The following TNIP1 variants were observed in gnomAD, a reference collection of about 807,000 sequenced individuals.
The protein encoded by TNIP1 is TNFAIP3-interacting protein 1.
TNIP1 carries 22 observed loss-of-function variants against 86.6 expected under a neutral mutation model. That is an observed-to-expected ratio of 0.25 (90% CI 0.18 to 0.36). The LOEUF (loss-of-function observed/expected upper bound fraction) is 0.36, where lower values mean the gene tolerates loss of function less well. TNIP1 is among the 10% of genes least tolerant of loss of function. The pLI, the probability that TNIP1 is intolerant of heterozygous loss-of-function variation, is 1.00. For missense variants in TNIP1, 709 were observed against 820.6 expected (o/e 0.86, Z 1.66); for synonymous variants, 294 against 313.0 (o/e 0.94, Z 0.64).
chr5:151,041,629 A>G (rs1758425407), intron 11 of TNIP1, among the ~76,000 whole-genome samples: 3 of 152,194 alleles, frequency 2.0e-5, no homozygotes, highest in Admixed American at 2.0e-4. Flanking sequence ...GGCATCCCAA[A>G]GTGCCAGGAT....
At position 151,035,575 on chromosome 5, in the gene TNIP1, C is replaced by T; in HGVS notation, c.1521+7G>A. The T allele has an allele frequency of 6.2e-7, 1 of 1,614,216 alleles. No individual in the cohort carries two copies. Among genetic ancestry groups the T allele is most frequent in the Non-Finnish European group, 8.5e-7 (1 of 1,180,030 alleles). ...CAGTTGCCCTTCCTGGGTCCAGTCACTCTTACCTGGGCATTTGACAGGGTG... is the reference window on the plus strand; with the variant it reads ...CAGTTGCCCTTCCTGGGTCCAGTCATTCTTACCTGGGCATTTGACAGGGTG... On this transcript the variant is annotated splice_region_variant and intron_variant, in intron 14 of 17. Transcript: ENST00000521591.
Position 151,035,012 on chromosome 5 carries a change from C to G in TNIP1, c.1577G>C (p.Arg526Thr). 1 of 1,614,158 alleles carries G rather than the reference C, an allele frequency of 6.2e-7. No individual in the cohort carries two copies. The highest frequency in any genetic ancestry group is 2.2e-5 in the East Asian group (1 of 44,888). ...CTCAAGCCTCCTCACCTTTGCTTTC[C>G]TCTTCTGCTGTCTGAGGGCTTCTCT... ...KAREALRQQK[R>T]KAKASGERYH... is the part of the protein sequence containing the mutation. The change falls in exon 15 of 18, where the codon AGG (arginine) becomes ACG (threonine). Residue 526 changes from arginine (R) to threonine (T), a missense_variant. Coordinates refer to ENST00000521591, the MANE Select transcript of TNIP1 (RefSeq NM_006058.5).
Position 151,073,792 on chromosome 5 carries a change from C to T in TNIP1, c.-37+7088G>A, listed in dbSNP as rs572769021. Among the ~76,000 whole-genome samples the T allele has an allele frequency of 3.9e-5, 6 of 151,972 alleles. No homozygotes were observed. In the South Asian group the frequency reaches 6.2e-4, roughly 16 times the overall value. ...GCACATGCCTGGAGTCCCAGCTACT[C>T]GGAAAGTTGAGGTGGGAGGATCACT... On this transcript the variant is annotated intron_variant, in intron 1 of 17. Coordinates refer to ENST00000521591, the MANE Select transcript of TNIP1 (RefSeq NM_006058.5).
chr5:151,039,376 G>A (rs1324683536), intron 11 of TNIP1, 151 bp from the exon 12 acceptor site: 1 of 671,698 alleles, frequency 1.5e-6, no homozygotes, highest in African/African-American at 1.8e-5. Flanking sequence ...GTACAGTAAT[G>A]TCCATCCGGT....
At chr5:151,041,160 T>C (rs1758369448) in intron 11 of TNIP1, among the ~76,000 whole-genome samples, 1 of 150,568 alleles carries the variant, frequency 6.6e-6, no homozygotes, top group South Asian at 2.1e-4. Context: ...AACCTCCGCC[T>C]CCCGGGTTCA....
intron 16 of TNIP1, chr5:151,032,793 G>T: frequency 4.7e-6 from 1 of 213,122 alleles, no homozygotes; most frequent in South Asian, 6.2e-5. Flanking sequence ...TGGGGAAAAT[G>T]GGACAAGTGA....
At chr5:151,074,657 C>T (rs1763179632) in intron 1 of TNIP1, among the ~76,000 whole-genome samples, 1 of 152,154 alleles carries the variant, frequency 6.6e-6, no homozygotes, top group African/African-American at 2.4e-5. Context: ...GCCAAAGATG[C>T]CTTGTGTTAA....
At chr5:151,068,454 C>T (rs767418204) in intron 1 of TNIP1, among the ~76,000 whole-genome samples, 1 of 152,188 alleles carries the variant, frequency 6.6e-6, no homozygotes, top group Non-Finnish European at 1.5e-5. Flanking sequence ...CAGAAACACT[C>T]AATGGATGAG....
chr5:151,065,105 T>A lies in TNIP1; in HGVS notation c.-10A>T, dbSNP rs1258374065. On this transcript the variant is annotated 5_prime_UTR_variant, in exon 2 of 18. Transcript: ENST00000521591. ...GTCCTCTCCCTTCCATGAGGGTAGC[T>A]CAGCCCCTGCCGTGGTGCCCGCCTG... 6 of 1,611,188 alleles carry A rather than the reference T, an allele frequency of 3.7e-6. No homozygotes were observed. Among genetic ancestry groups the A allele is most frequent in the Non-Finnish European group, 5.1e-6 (6 of 1,178,782 alleles).
Position 151,039,143 on chromosome 5 carries a change from G to A in TNIP1, c.1217C>T (p.Thr406Ile), listed in dbSNP as rs1758083748. The change falls in exon 12 of 18, where the codon ACC becomes ATC. Residue 406 changes from threonine to isoleucine, a missense_variant. By Grantham distance (89) the Thr-to-Ile change is moderately conservative. Coordinates refer to ENST00000521591, the MANE Select transcript of TNIP1 (RefSeq NM_006058.5). ...KYLQDQLSPL[T>I]RQREYQEKEI... The stretch of plus-strand genomic sequence containing the variant: ...CTTTTCCTGGTACTCACGCTGTCGG[G>A]TGAGTGGGCTCAGCTGATCCTGCAG... 1.2e-6 allele frequency: 2 copies of A among 1,614,076 alleles called. No homozygotes were observed. Among genetic ancestry groups the A allele is most frequent in the Non-Finnish European group, 1.7e-6 (2 of 1,179,998 alleles).
At chr5:151,045,460 T>C (rs1225143792) in intron 9 of TNIP1, among the ~76,000 whole-genome samples, 1 of 152,182 alleles carries the variant, frequency 6.6e-6, no homozygotes, top group Non-Finnish European at 1.5e-5. Flanking sequence ...GAAGCGGCCT[T>C]AATCCCTTCC....
At chr5:151,073,693 A>G (rs546159802) in intron 1 of TNIP1, among the ~76,000 whole-genome samples, 14 of 152,060 alleles carry the variant, frequency 9.2e-5, no homozygotes, top group African/African-American at 3.4e-4. Context: ...CAGGGGTTCA[A>G]GACCAGCCTG....
chr5:151,035,072 GAGA>G lies in TNIP1; in HGVS notation c.1522-8_1522-6del, dbSNP rs1757518010. The G allele has an allele frequency of 2.5e-6, 4 of 1,613,166 alleles. No homozygotes were observed. The highest frequency in any genetic ancestry group is 1.1e-5 in the South Asian group (1 of 90,768). ...CTCATCTTTGAATGCTTTTAGCTGA[GAGA>G]AGAAGGGAGGGAGAAAAGACTGTCG... On this transcript the variant is annotated splice_polypyrimidine_tract_variant and splice_region_variant and intron_variant, in intron 14 of 17. Coordinates refer to ENST00000521591, the MANE Select transcript of TNIP1 (RefSeq NM_006058.5).
At position 151,036,809 on chromosome 5, in the gene TNIP1, T is replaced by C; in HGVS notation, c.1376A>G (p.Asn459Ser). The C allele has an allele frequency of 6.2e-7, 1 of 1,614,104 alleles. No homozygotes were observed. Among genetic ancestry groups the C allele is most frequent in the Non-Finnish European group, 8.5e-7 (1 of 1,179,968 alleles). ...LLRKQELVTQ[N>S]ELLKQQVKIF... is the part of the protein sequence containing the mutation. Reference sequence around the variant, plus strand: ...CCTCACCTGCTGTTTCAGCAACTCATTCTGCGTGACCAGCTCCTGTTTCCT... The same window carrying C: ...CCTCACCTGCTGTTTCAGCAACTCACTCTGCGTGACCAGCTCCTGTTTCCT... Residue 459 changes from asparagine (N) to serine (S), a missense_variant, in exon 13 of 18, where the codon AAT (asparagine) becomes AGT (serine). Transcript: ENST00000521591.
intron 4 of TNIP1, among the ~76,000 whole-genome samples, chr5:151,061,117 TTACTGG>T (rs1334226294): frequency 6.6e-6 from 1 of 152,244 alleles, no homozygotes; most frequent in Non-Finnish European, 1.5e-5. Flanking sequence ...CCTAGTAGAA[TTACTGG>T]TCATTCAACC....
chr5:151,059,828 A>AGT (rs760868810), intron 5 of TNIP1, among the ~76,000 whole-genome samples: 1,503 of 55,666 alleles, frequency 0.027, 22 homozygotes, highest in East Asian at 0.031. Context: ...AGAGAGAGAG[A>AGT]GTGTGTGTGT....
intron 2 of TNIP1, among the ~76,000 whole-genome samples, chr5:151,063,960 C>T (rs1295069638): frequency 1.3e-5 from 2 of 152,158 alleles, no homozygotes; most frequent in Non-Finnish European, 2.9e-5. Flanking sequence ...GCCCAGCAAT[C>T]GGGGGACACA....
chr5:151,044,957 A>C (rs527497070), intron 9 of TNIP1, among the ~76,000 whole-genome samples: 29 of 152,308 alleles, frequency 1.9e-4, no homozygotes, highest in African/African-American at 6.7e-4. Flanking sequence ...CCATCGCCTT[A>C]ATGGAGTTTA....
intron 5 of TNIP1, among the ~76,000 whole-genome samples, chr5:151,057,603 G>A (rs948438070): frequency 2.6e-5 from 4 of 152,140 alleles, no homozygotes; most frequent in Non-Finnish European, 4.4e-5. Flanking sequence ...TGTAATCCCA[G>A]CTACTTGGGA....
Sources: gnomAD v4.1 joint callset for allele counts (sites outside exome capture counted in the v4.1 genomes callset) on GRCh38, gnomAD v4.1.1 for gene constraint, MANE v1.5 for transcripts, NCBI Gene and HGNC (gene_info 2026-07-23, HGNC 2026-07-21) for gene names.